SLC49A3: variants seen among roughly 807,000 people sequenced by gnomAD.
SLC49A3 encodes solute carrier family 49 member 3, also known as solute carrier family 49 member A3.
SLC49A3 carries 50 observed loss-of-function variants against 43.8 expected under a neutral mutation model. That is an observed-to-expected ratio of 1.14 (90% confidence interval 0.91 to 1.45). SLC49A3 has a LOEUF of 1.45. Among genes scored for constraint, SLC49A3 ranks in the 40% most tolerant of loss-of-function variants. The pLI is 0.00. For missense variants in SLC49A3, 906 were observed against 774.1 expected, an observed-to-expected ratio of 1.17 and a Z score of -2.02; for synonymous variants, 413 against 352.0, an observed-to-expected ratio of 1.17 and a Z score of -1.94.
In SLC49A3 at chr4:685,055, G is replaced by C; in HGVS notation, c.586-199C>G. ...CAGGGGCTCATGGGGACCCCTGGCT[G>C]TCAACGCATCCCTCACCAGTGACAC... On this transcript the variant is annotated intron_variant, in intron 4 of 9. Coordinates refer to ENST00000322224, the MANE Select transcript of SLC49A3 (RefSeq NM_032219.4). The surrounding 1 kb of genome is among the most constrained non-coding windows in gnomAD (Gnocchi z 4.3). The C allele has an allele frequency of 6.3e-6, 4 of 635,662 alleles. No homozygotes were observed. In the Middle Eastern group the frequency reaches 1.3e-3, roughly 203 times the overall value. The allele number at this position is 635,662 out of a possible 1,614,324, so 39.4% of individuals were successfully genotyped here.
intron 1 of SLC49A3, among the ~76,000 whole-genome samples, chr4:687,660 CA>C (rs1741324185): frequency 6.6e-6 from 1 of 152,224 alleles, no homozygotes; most frequent in South Asian, 2.1e-4. Flanking sequence ...GCGTGCGGGG[CA>C]ACGTGGGAGG....
chr4:689,278 G>A (rs555409784), upstream of SLC49A3: 1 of 420,812 alleles, frequency 2.4e-6, no homozygotes, highest in African/African-American at 2.1e-5. Flanking sequence ...CTACGGAGGA[G>A]GGTCCCGCCC....
upstream of SLC49A3, chr4:689,181 G>T (rs376112445): frequency 5.2e-5 from 64 of 1,231,074 alleles, no homozygotes; most frequent in East Asian, 5.7e-4. Context: ...CGGGCTTAAG[G>T]ACCTTCCCGC....
chr4:678,348 C>T, downstream of SLC49A3: 1 of 1,414,340 alleles, frequency 7.1e-7, no homozygotes, highest in South Asian at 1.5e-5. Flanking sequence ...AGTCCACTTG[C>T]CCCTCAAGCC....
At chr4:686,393 C>A (rs1028092165) in intron 2 of SLC49A3, 91 bp from the exon 3 acceptor site, 3 of 1,572,126 alleles carry the variant, frequency 1.9e-6, no homozygotes, top group African/African-American at 2.7e-5. Context: ...CTCCCACTGC[C>A]GCCACCTCGA....
chr4:688,782 C>T (rs542460630), intron 1 of SLC49A3: 52 of 659,860 alleles, frequency 7.9e-5, no homozygotes, highest in South Asian at 2.0e-4. Context: ...GCAGATCCCC[C>T]GGGGCACCCA....
chr4:681,225 G>A, downstream of SLC49A3: 1 of 1,493,434 alleles, frequency 6.7e-7, no homozygotes. Flanking sequence ...CGCGGAGCCC[G>A]AGGAGCAGCG....
intron 4 of SLC49A3, 108 bp from the exon 5 acceptor site, chr4:684,964 C>T (rs1740696373): frequency 2.8e-6 from 4 of 1,428,038 alleles, no homozygotes; most frequent in South Asian, 2.7e-5. Context: ...GCCCCACCAC[C>T]GGCTGCCTCC....
chr4:678,892 G>C, downstream of SLC49A3: 5 of 1,609,060 alleles, frequency 3.1e-6, no homozygotes, highest in South Asian at 4.4e-5. Context: ...CTGAGGAACC[G>C]GGAGCAGGGG....
At chr4:679,105 C>T (rs548185628), downstream of SLC49A3, 158 of 1,275,600 alleles carry the variant, frequency 1.2e-4, no homozygotes, top group African/African-American at 2.3e-3. Flanking sequence ...CTCCAGACGC[C>T]GCGGCCCCTC....
At chr4:688,936 C>T (rs1330402361) in intron 1 of SLC49A3, 57 bp downstream of exon 1, 2 of 1,542,622 alleles carry the variant, frequency 1.3e-6, no homozygotes, top group East Asian at 2.6e-5. Flanking sequence ...AAACAAAACC[C>T]GGCTGGTCCG....
At position 685,504 on chromosome 4, in the gene SLC49A3, C is replaced by G. The variant is rs1265292859; in HGVS notation, c.585+331G>C. 1.3e-5 allele frequency among the ~76,000 whole-genome samples: 2 copies of G among 151,964 alleles called. No homozygotes were observed. Among genetic ancestry groups the G allele is most frequent in the East Asian group, 3.9e-4 (2 of 5,190 alleles). Reference sequence around the variant, plus strand: ...CATGAGGTCAGGAGTTCGAGACCAGCCTGGCCAACATGGTGAAACCCCAAC... The same window carrying G: ...CATGAGGTCAGGAGTTCGAGACCAGGCTGGCCAACATGGTGAAACCCCAAC... On this transcript the variant is annotated intron_variant, in intron 4 of 9. Coordinates refer to ENST00000322224, the MANE Select transcript of SLC49A3 (RefSeq NM_032219.4). The surrounding 1 kb of genome is among the most constrained non-coding windows in gnomAD (Gnocchi z 4.3).
intron 1 of SLC49A3, among the ~76,000 whole-genome samples, chr4:687,592 T>C (rs985974334): frequency 1.3e-5 from 2 of 152,158 alleles, no homozygotes; most frequent in Admixed American, 1.3e-4. Context: ...CCTGTCCTGG[T>C]TCCTCGGGGG....
downstream of SLC49A3, chr4:680,138 C>G (rs1053345994): frequency 3.0e-6 from 3 of 1,015,146 alleles, no homozygotes; most frequent in African/African-American, 3.3e-5. Flanking sequence ...GCCTGGCACT[C>G]TGGGAGCCAA....
intron 6 of SLC49A3, among the ~76,000 whole-genome samples, 197 bp from the exon 7 acceptor site, chr4:683,958 A>G (rs4518182): frequency 1.3e-5 from 2 of 151,788 alleles, no homozygotes; most frequent in African/African-American, 2.4e-5. Flanking sequence ...CCCCAGAGCA[A>G]AGCAATCGCT....
chr4:682,178 G>A lies in SLC49A3; in HGVS notation c.1460C>T (p.Ala487Val), dbSNP rs767426489. 3.7e-6 allele frequency: 5 copies of A among 1,350,140 alleles called. No individual in the cohort carries two copies. Among genetic ancestry groups the A allele is most frequent in the East Asian group, 3.0e-5 (1 of 33,458 alleles). 83.6% of individuals were successfully genotyped at this position (1,350,140 alleles called of 1,614,324 possible). Residue 487 changes from alanine (A) to valine (V), a missense_variant, in exon 10 of 10, where the codon GCG becomes GTG. Coordinates refer to ENST00000322224, the MANE Select transcript of SLC49A3 (RefSeq NM_032219.4). ...CCCCCTCGCCGTGCACTCCGGAGTC[G>A]CCGTGCTGGGCCCCAGGACCCCAGC... is the stretch of plus-strand genomic sequence containing the variant. ...GRAGVLGPST[A>V]TPECTARGAS...
Position 689,043 on chromosome 4 carries a change from GGCGCGCGTAGGTGCGGTGGCCCCGCT to G in SLC49A3, c.59_84del (p.Gln20ProfsTer27). On this transcript the variant is annotated frameshift_variant, in exon 1 of 10. Coordinates refer to ENST00000322224, the MANE Select transcript of SLC49A3 (RefSeq NM_032219.4). LOFTEE classifies it high-confidence loss of function. The stretch of plus-strand genomic sequence containing the variant: ...CTGATCGCGAGCAGGAACACCCAGC[GGCGCGCGTAGGTGCGGTGGCCCCGCT>G]GCGCGCACAGGGCCCGGGGCTCGGC... 3.8e-6 allele frequency: 6 copies of G among 1,588,388 alleles called. 1 individual carries two copies. In the South Asian group the frequency reaches 5.6e-5, roughly 15 times the overall value.
At position 684,615 on chromosome 4, in the gene SLC49A3, G is replaced by T; in HGVS notation, c.724-16C>A. On this transcript the variant is annotated splice_polypyrimidine_tract_variant and intron_variant, in intron 5 of 9. Transcript: ENST00000322224. Reference sequence around the variant, plus strand: ...TCCACATGAGCTGCTGGGAAAGAGCGTCTCAGCCCCGGAGCCCGGGGGCCC... The same window carrying T: ...TCCACATGAGCTGCTGGGAAAGAGCTTCTCAGCCCCGGAGCCCGGGGGCCC... 2.5e-6 allele frequency: 4 copies of T among 1,612,456 alleles called. No individual in the cohort carries two copies. Among genetic ancestry groups the T allele is most frequent in the South Asian group, 1.1e-5 (1 of 91,046 alleles).
rs1345417654 is a variant in SLC49A3, at chr4:685,600, G to A, written c.585+235C>T. Among the ~76,000 whole-genome samples, 1 of 152,122 alleles carries A rather than the reference G, an allele frequency of 6.6e-6. No individual in the cohort carries two copies. Among genetic ancestry groups the A allele is most frequent in the South Asian group, 2.1e-4 (1 of 4,824 alleles). ...GCACGCCTGTAGTCCCAGCTACTCG[G>A]GAAGATGAGGCAGGGGAATTGCTTA... On this transcript the variant is annotated intron_variant, in intron 4 of 9. Transcript: ENST00000322224. This position sits in a 1 kb window ranked among gnomAD's most constrained non-coding sequence, Gnocchi z 4.3.
Sources: gnomAD v4.1 joint callset for allele counts (sites outside exome capture counted in the v4.1 genomes callset) on GRCh38, gnomAD v4.1.1 for gene constraint, Gnocchi (gnomAD v3.1) non-coding constraint, MANE v1.5 for transcripts, NCBI Gene and HGNC (gene_info 2026-07-23, HGNC 2026-07-21) for gene names.